ERCC6L2: variants seen among roughly 807,000 people sequenced by gnomAD.
The protein encoded by ERCC6L2 is ERCC excision repair 6 like 2.
In ERCC6L2, 77 loss-of-function variants were observed where a neutral mutation model predicts 132.0. The ratio of observed to expected loss-of-function variants is 0.58; its 90% CI spans 0.49 to 0.71. ERCC6L2 has a LOEUF of 0.71. ERCC6L2 is among the 30% of genes least tolerant of loss of function. The pLI, the probability that ERCC6L2 is intolerant of heterozygous loss-of-function variation, is 0.00. For synonymous variants in ERCC6L2, 583 were observed against 632.4 expected (o/e 0.92, Z 1.17); for missense variants, 1,542 against 1,837.6 (o/e 0.84, Z 2.94).
chr9:95,900,932 G>A (rs1828741992), intron 3 of ERCC6L2, among the ~76,000 whole-genome samples: 1 of 149,316 alleles, frequency 6.7e-6, no homozygotes, highest in Non-Finnish European at 1.5e-5. Flanking sequence ...TCAGAGGCCA[G>A]GTGTGGTGGC....
downstream of ERCC6L2, among the ~76,000 whole-genome samples, chr9:96,018,906 T>G (rs1014732309): frequency 3.3e-5 from 5 of 152,234 alleles, no homozygotes; most frequent in South Asian, 1.0e-3. Context: ...TGCTGCTCTG[T>G]CTTGTAGATA....
chr9:95,956,725 C>T (rs987336938), intron 13 of ERCC6L2, among the ~76,000 whole-genome samples: 6 of 152,070 alleles, frequency 3.9e-5, no homozygotes, highest in African/African-American at 1.4e-4. Flanking sequence ...AACTCAATAT[C>T]CTGAGAACAG....
At position 95,916,317 on chromosome 9, in the gene ERCC6L2, G is replaced by C; in HGVS notation, c.1041G>C (p.Lys347Asn). ...ATGGTCAGAGACACACGGCAACAAA[G>C]AGAGAACTAGCCACTGGCCGAAAGG... Reference protein sequence around the residue: ...VEHGQRHTATKRELATGRKAM... With the variant: ...VEHGQRHTATNRELATGRKAM... Residue 347 changes from lysine to asparagine, a missense_variant, in exon 6 of 19, where the codon AAG (lysine) becomes AAC (asparagine). Around this residue, in one of 4 missense-constraint regions of ERCC6L2, gnomAD observed 945 missense variants for 1,105.2 expected, o/e 0.86. Transcript: ENST00000653738. 1.9e-6 allele frequency: 3 copies of C among 1,614,074 alleles called. No individual in the cohort carries two copies. The highest frequency in any genetic ancestry group is 2.5e-6 in the Non-Finnish European group (3 of 1,179,990).
intron 17 of ERCC6L2, among the ~76,000 whole-genome samples, chr9:96,000,075 G>A (rs979090022): frequency 5.9e-5 from 9 of 152,068 alleles, no homozygotes; most frequent in African/African-American, 2.2e-4. Flanking sequence ...TTTTAGTAGA[G>A]ATGAGGTTTC....
At chr9:95,949,599 GA>G (rs956771410) in intron 12 of ERCC6L2, among the ~76,000 whole-genome samples, 2 of 152,068 alleles carry the variant, frequency 1.3e-5, no homozygotes, top group African/African-American at 4.8e-5. Context: ...GAGAAACAAA[GA>G]AAAAGTGTTT....
chr9:95,991,498 A>G (rs1311478378), intron 17 of ERCC6L2, among the ~76,000 whole-genome samples: 1 of 152,192 alleles, frequency 6.6e-6, no homozygotes, highest in Non-Finnish European at 1.5e-5. Flanking sequence ...TACTTGAAAG[A>G]ATGACTGATA....
intron 3 of ERCC6L2, 81 bp downstream of exon 3, chr9:95,898,052 T>A: frequency 7.9e-7 from 1 of 1,258,682 alleles, no homozygotes; most frequent in Non-Finnish European, 1.1e-6. Context: ...TATCACACAT[T>A]AAAATGTATT....
At chr9:95,939,884 T>C (rs1015171357) in intron 11 of ERCC6L2, among the ~76,000 whole-genome samples, 2 of 152,170 alleles carry the variant, frequency 1.3e-5, no homozygotes, top group Non-Finnish European at 2.9e-5. Flanking sequence ...TTTTGAGTAT[T>C]GTGTTATGAG....
At chr9:95,950,077 T>C (rs1345138116) in intron 12 of ERCC6L2, among the ~76,000 whole-genome samples, 5 of 151,390 alleles carry the variant, frequency 3.3e-5, no homozygotes, top group Admixed American at 6.6e-5. Context: ...CACTAGACAG[T>C]AACTCAAAGT....
chr9:95,985,898 A>C (rs1833078356), intron 17 of ERCC6L2, among the ~76,000 whole-genome samples: 1 of 152,226 alleles, frequency 6.6e-6, no homozygotes, highest in South Asian at 2.1e-4. Flanking sequence ...TTATGTACTA[A>C]ACACCAGGGA....
chr9:95,913,330 A>C (rs573824281), intron 4 of ERCC6L2, among the ~76,000 whole-genome samples: 1 of 152,332 alleles, frequency 6.6e-6, no homozygotes, highest in Non-Finnish European at 1.5e-5. Flanking sequence ...TTTGACTTTA[A>C]AAAAGCAAGG....
chr9:96,029,551 G>A (rs1222627118), intron 19 of ERCC6L2, among the ~76,000 whole-genome samples: 2 of 152,064 alleles, frequency 1.3e-5, no homozygotes, highest in East Asian at 1.9e-4. Flanking sequence ...AAAAAGTTTC[G>A]GAGGTGGGTA....
At chr9:96,031,330 T>A (rs1432569129) in intron 19 of ERCC6L2, among the ~76,000 whole-genome samples, 1 of 152,170 alleles carries the variant, frequency 6.6e-6, no homozygotes, top group African/African-American at 2.4e-5. Flanking sequence ...GGAACAGTGG[T>A]CAGGGAAGGT....
intron 12 of ERCC6L2, among the ~76,000 whole-genome samples, chr9:95,944,602 A>G (rs1014013072): frequency 3.3e-5 from 5 of 152,200 alleles, no homozygotes; most frequent in African/African-American, 1.2e-4. Flanking sequence ...ACTTTGAAAA[A>G]CACTGGATAT....
chr9:96,011,014 A>G (rs1190506642), intron 18 of ERCC6L2, among the ~76,000 whole-genome samples: 1 of 152,234 alleles, frequency 6.6e-6, no homozygotes, highest in Non-Finnish European at 1.5e-5. Context: ...TGTTCAAAGG[A>G]GTATTTATAA....
intron 10 of ERCC6L2, 101 bp downstream of exon 10, chr9:95,928,251 C>T: frequency 1.4e-6 from 1 of 692,180 alleles, no homozygotes. Flanking sequence ...CACATTTTCT[C>T]TTATCTACAC....
intron 11 of ERCC6L2, among the ~76,000 whole-genome samples, chr9:95,937,733 T>G (rs375197165): frequency 5.1e-4 from 78 of 152,108 alleles, no homozygotes; most frequent in African/African-American, 1.8e-3. Flanking sequence ...CTCTTTTATC[T>G]TTGTCATTGC....
At chr9:95,991,531 G>C (rs1442026596) in intron 17 of ERCC6L2, among the ~76,000 whole-genome samples, 1 of 152,146 alleles carries the variant, frequency 6.6e-6, no homozygotes, top group Admixed American at 6.5e-5. Flanking sequence ...ATTCAGACTT[G>C]GGTATTTGGC....
chr9:95,941,370 A>G lies in ERCC6L2; in HGVS notation c.1752-84A>G, dbSNP rs1039796229. ...AATGCAATATCGTACTGTTTTGGCT[A>G]TAGAAACCTGGCACAGTTGAGTTAT... On this transcript the variant is annotated intron_variant, in intron 11 of 18. Transcript: ENST00000653738. The G allele has an allele frequency of 1.4e-5, 13 of 945,566 alleles. 1 individual carries two copies. Among genetic ancestry groups the G allele is most frequent in the East Asian group, 4.9e-5 (2 of 41,086 alleles). The allele number at this position is 945,566 out of a possible 1,614,324, so 58.6% of individuals were successfully genotyped here.
Sources: allele counts gnomAD v4.1 joint callset (sites outside exome capture counted in the v4.1 genomes callset), GRCh38; gene constraint gnomAD v4.1.1; regional missense constraint gnomAD v4.1.1; transcripts MANE v1.5; gene names NCBI Gene and HGNC (gene_info 2026-07-23, HGNC 2026-07-21).